POU2AF1: variants seen among roughly 807,000 people sequenced by gnomAD.
POU2AF1 encodes the protein POU domain class 2-associating factor 1.
Under a neutral mutation model 26.3 loss-of-function variants are expected in POU2AF1, and 12 were observed. The ratio of observed to expected loss-of-function variants is 0.46; its 90% CI spans 0.29 to 0.74. POU2AF1 has a LOEUF of 0.74. POU2AF1 is among the 30% of genes least tolerant of loss of function. The pLI, the probability that POU2AF1 is intolerant of heterozygous loss-of-function variation, is 0.09. For synonymous variants in POU2AF1, 175 were observed against 148.0 expected (o/e 1.18, Z -1.32); for missense variants, 297 against 334.5 (o/e 0.89, Z 0.87).
intron 1 of POU2AF1, among the ~76,000 whole-genome samples, chr11:111,373,317 C>T (rs979253055): frequency 2.0e-5 from 3 of 152,212 alleles, no homozygotes; most frequent in Admixed American, 2.0e-4. Flanking sequence ...TCCATTTCAA[C>T]CTCCAGGTCA....
In POU2AF1 at chr11:111,375,545, T is replaced by C. The variant is rs555768636; in HGVS notation, c.16+3617A>G. ...CCGAGTAGCTGGGACTACAGGGGCC[T>C]GCCACCACAACCCCAGCTAATTTTT... is the stretch of plus-strand genomic sequence containing the variant. On this transcript the variant is annotated intron_variant, in intron 1 of 4. Transcript: ENST00000393067. Among the ~76,000 whole-genome samples, 34 of 152,078 alleles carry C rather than the reference T, an allele frequency of 2.2e-4. 1 individual carries two copies. Among genetic ancestry groups the C allele is most frequent in the South Asian group, 1.9e-3 (9 of 4,790 alleles).
At chr11:111,378,950 GGAAAATCAGCATCACCTCT>G (rs1861365804) in intron 1 of POU2AF1, among the ~76,000 whole-genome samples, 193 bp downstream of exon 1, 1 of 152,104 alleles carries the variant, frequency 6.6e-6, no homozygotes, top group Admixed American at 6.5e-5. Flanking sequence ...CCTCCAGCCT[GGAAAATCAGCATCACCTCT>G]GACAGGCTGG....
chr11:111,368,446 A>G (rs1229116363), intron 1 of POU2AF1, among the ~76,000 whole-genome samples: 1 of 152,062 alleles, frequency 6.6e-6, no homozygotes, highest in Non-Finnish European at 1.5e-5. Flanking sequence ...GCCCACCAAG[A>G]GAAGAGGAGT....
Position 111,354,546 on chromosome 11 carries a change from C to G in POU2AF1, c.486G>C (p.Gly162=). Residue 162 remains glycine (G), a synonymous_variant, in exon 5 of 5, where the codon GGG becomes GGC. Coordinates refer to ENST00000393067, the MANE Select transcript of POU2AF1 (RefSeq NM_006235.3). ...TTRSSATPAV[G]PPLEGPEHQA... is the part of the protein sequence containing the mutation. ...GGTGCTCTGGGCCCTCCAGCGGGGG[C>G]CCCACTGCGGGCGTGGCGGAGCTTC... 6.5e-7 allele frequency: 1 copy of G among 1,544,622 alleles called. No homozygotes were observed. The highest frequency in any genetic ancestry group is 1.8e-4 in the Middle Eastern group (1 of 5,560).
At chr11:111,368,267 G>T (rs1861142604) in intron 1 of POU2AF1, among the ~76,000 whole-genome samples, 1 of 152,158 alleles carries the variant, frequency 6.6e-6, no homozygotes, top group South Asian at 2.1e-4. Flanking sequence ...GTATAGAGGT[G>T]AGTGCAAGAG....
At chr11:111,367,708 A>T (rs1267535306) in intron 1 of POU2AF1, among the ~76,000 whole-genome samples, 1 of 152,174 alleles carries the variant, frequency 6.6e-6, no homozygotes, top group Non-Finnish European at 1.5e-5. Flanking sequence ...GTCTCCCTCA[A>T]TTGCCAATTT....
In POU2AF1 at chr11:111,352,571, T is replaced by C. The variant is rs1051079540; in HGVS notation, c.*1690A>G. 5.5e-6 allele frequency: 1 copy of C among 180,444 alleles called. No homozygotes were observed. Among genetic ancestry groups the C allele is most frequent in the Non-Finnish European group, 1.2e-5 (1 of 84,462 alleles). The allele number at this position is 180,444 out of a possible 1,614,324, so 11.2% of individuals were successfully genotyped here. On this transcript the variant is annotated 3_prime_UTR_variant, in exon 5 of 5. Coordinates refer to ENST00000393067, the MANE Select transcript of POU2AF1 (RefSeq NM_006235.3). ...CTCCAGAGGTCCCCAGGAGGGAGGGTGTTTGCGTGGAGGGGGCCTTGGTTC... is the reference window on the plus strand; with the variant it reads ...CTCCAGAGGTCCCCAGGAGGGAGGGCGTTTGCGTGGAGGGGGCCTTGGTTC...
Position 111,354,484 on chromosome 11 carries a change from AGGGGC to A in POU2AF1, c.543_547del (p.Gln181HisfsTer60). On this transcript the variant is annotated frameshift_variant, in exon 5 of 5. Coordinates refer to ENST00000393067, the MANE Select transcript of POU2AF1 (RefSeq NM_006235.3). LOFTEE classifies it high-confidence loss of function. The stretch of plus-strand genomic sequence containing the variant: ...CAGGGTGGAGGTGGGTAGTGTGGAA[AGGGGC>A]TGAGGCCACGGGAAATAGGTGAGGG... 2 of 1,604,976 alleles carry A rather than the reference AGGGGC, an allele frequency of 1.2e-6. No homozygotes were observed. The highest frequency in any genetic ancestry group is 8.5e-7 in the Non-Finnish European group (1 of 1,176,680).
Position 111,354,212 on chromosome 11 carries a change from C to G in POU2AF1, c.*49G>C. 1 of 1,588,598 alleles carries G rather than the reference C, an allele frequency of 6.3e-7. No homozygotes were observed. The highest frequency in any genetic ancestry group is 8.6e-7 in the Non-Finnish European group (1 of 1,165,086). ...TGAACCTGGGGCTCAATTCCAGGCT[C>G]ATTTTAAAATCCCAGTTTCAGGGAA... On this transcript the variant is annotated 3_prime_UTR_variant, in exon 5 of 5. Coordinates refer to ENST00000393067, the MANE Select transcript of POU2AF1 (RefSeq NM_006235.3).
At position 111,352,405 on chromosome 11, in the gene POU2AF1, G is replaced by A. The variant is rs1306809937; in HGVS notation, c.*1856C>T. Reference sequence around the variant, plus strand: ...CTTAATAGTGACGATGGTGCTATTAGCAGGTGGGTGAGCCAGTTCCCAAGG... The same window carrying A: ...CTTAATAGTGACGATGGTGCTATTAACAGGTGGGTGAGCCAGTTCCCAAGG... On this transcript the variant is annotated 3_prime_UTR_variant, in exon 5 of 5. Transcript: ENST00000393067. 1 of 187,194 alleles carries A rather than the reference G, an allele frequency of 5.3e-6. No individual in the cohort carries two copies. Among genetic ancestry groups the A allele is most frequent in the African/African-American group, 2.3e-5 (1 of 42,712 alleles). 11.6% of individuals were successfully genotyped at this position (187,194 alleles called of 1,614,324 possible).
intron 1 of POU2AF1, among the ~76,000 whole-genome samples, chr11:111,373,139 G>A (rs1861244354): frequency 6.6e-6 from 1 of 152,164 alleles, no homozygotes; most frequent in African/African-American, 2.4e-5. Context: ...GTTATTTCAG[G>A]TCTCTTCACC....
intron 1 of POU2AF1, among the ~76,000 whole-genome samples, chr11:111,364,961 T>C (rs1427830195): frequency 2.0e-5 from 3 of 152,240 alleles, no homozygotes; most frequent in African/African-American, 7.2e-5. Context: ...GATATCCAGT[T>C]GTTTGTTCCT....
intron 1 of POU2AF1, among the ~76,000 whole-genome samples, chr11:111,376,427 C>T (rs941811832): frequency 5.9e-5 from 9 of 152,180 alleles, no homozygotes; most frequent in Non-Finnish European, 1.0e-4. Context: ...GGGAGAGAAT[C>T]TACAGATGGA....
Position 111,358,867 on chromosome 11 carries a change from C to T in POU2AF1, c.68G>A (p.Arg23His). 1 of 1,608,950 alleles carries T rather than the reference C, an allele frequency of 6.2e-7. No homozygotes were observed. The highest frequency in any genetic ancestry group is 8.5e-7 in the Non-Finnish European group (1 of 1,179,982). The change falls in exon 2 of 5, where the codon CGT (arginine) becomes CAT (histidine). Residue 23 changes from arginine (R) to histidine (H), a missense_variant. Arg to His is a conservative substitution (Grantham distance 29). Transcript: ENST00000393067. ...PAPARPYQGVRVKEPVKELLR... is the reference protein window; with the variant it reads ...PAPARPYQGVHVKEPVKELLR... ...CAGTTCCTTCACTGGCTCCTTCACA[C>T]GGACGCCCTGGTATGGCCGGGCCGG...
intron 4 of POU2AF1, 23 bp from the exon 5 acceptor site, chr11:111,354,598 A>G (rs754733775): frequency 1.3e-6 from 2 of 1,496,748 alleles, no homozygotes; most frequent in Non-Finnish European, 8.9e-7. Flanking sequence ...AACACGTGAC[A>G]GAGGGTTAGC....
chr11:111,354,219 A>C lies in POU2AF1; in HGVS notation c.*42T>G, dbSNP rs1403114341. On this transcript the variant is annotated 3_prime_UTR_variant, in exon 5 of 5. Coordinates refer to ENST00000393067, the MANE Select transcript of POU2AF1 (RefSeq NM_006235.3). ...GGGGCTCAATTCCAGGCTCATTTTA[A>C]AATCCCAGTTTCAGGGAACAGGACT... 1 of 1,595,962 alleles carries C rather than the reference A, an allele frequency of 6.3e-7. No individual in the cohort carries two copies. Among genetic ancestry groups the C allele is most frequent in the Non-Finnish European group, 8.5e-7 (1 of 1,171,388 alleles).
At chr11:111,358,706 A>T in intron 2 of POU2AF1, 82 bp downstream of exon 2, 1 of 1,480,010 alleles carries the variant, frequency 6.8e-7, no homozygotes, top group Non-Finnish European at 9.1e-7. Flanking sequence ...ACTCACACAC[A>T]CATACACTCT....
In POU2AF1 at chr11:111,352,993, AGAAG is replaced by A. The variant is rs1193388265; in HGVS notation, c.*1264_*1267del. ...AGGAAGGAAGGAAGGAAGGAAGGAA[AGAAG>A]GAAGGAAGGAAGGAAGGAAGGAAGG... On this transcript the variant is annotated 3_prime_UTR_variant, in exon 5 of 5. Coordinates refer to ENST00000393067, the MANE Select transcript of POU2AF1 (RefSeq NM_006235.3). 0.089 allele frequency: 6,458 copies of A among 72,186 alleles called. 279 individuals carry two copies. The highest frequency in any genetic ancestry group is 0.15 in the South Asian group (258 of 1,694). 4.5% of individuals were successfully genotyped at this position (72,186 alleles called of 1,614,324 possible).
At chr11:111,358,489 CAT>C (rs1245223946) in intron 2 of POU2AF1, among the ~76,000 whole-genome samples, 3 of 149,802 alleles carry the variant, frequency 2.0e-5, no homozygotes, top group African/African-American at 7.4e-5. Context: ...CACACTGACA[CAT>C]ACACATTCTC....
Sources: gnomAD v4.1 joint callset for allele counts (sites outside exome capture counted in the v4.1 genomes callset) on GRCh38, gnomAD v4.1.1 for gene constraint, MANE v1.5 for transcripts, NCBI Gene and HGNC (gene_info 2026-07-23, HGNC 2026-07-21) for gene names.